LIMD1: variants seen among roughly 807,000 people sequenced by gnomAD.
LIMD1 encodes the protein LIM domain-containing protein 1.
Under a neutral mutation model 58.4 loss-of-function variants are expected in LIMD1, and 23 were observed. That is an observed-to-expected ratio of 0.39 (90% CI 0.28 to 0.56). The LOEUF (loss-of-function observed/expected upper bound fraction) is 0.56, where lower values mean the gene tolerates loss of function less well. Ranked by LOEUF, LIMD1 falls within the 20% of genes least tolerant of loss-of-function variation. The pLI, the probability that LIMD1 is intolerant of heterozygous loss-of-function variation, is 0.57. For missense variants in LIMD1, 838 were observed against 855.5 expected (o/e 0.98, Z 0.25); for synonymous variants, 334 against 345.5 (o/e 0.97, Z 0.37).
intron 1 of LIMD1, among the ~76,000 whole-genome samples, chr3:45,610,079 C>T (rs1701509063): frequency 6.6e-6 from 1 of 152,192 alleles, no homozygotes. Flanking sequence ...GTAATCCCAG[C>T]TACTCGGGAG....
rs1697696845 is a variant in LIMD1, at chr3:45,678,240, G to C, written c.*1181G>C. The C allele has an allele frequency of 6.6e-6, 1 of 152,538 alleles. No homozygotes were observed. The highest frequency in any genetic ancestry group is 1.5e-5 in the Non-Finnish European group (1 of 68,018). 9.4% of individuals were successfully genotyped at this position (152,538 alleles called of 1,614,324 possible). Reference sequence around the variant, plus strand: ...CCACACACAAAAAATACCTCACAGAGCTTCACCAAATCACAGATTCAGGAG... The same window carrying C: ...CCACACACAAAAAATACCTCACAGACCTTCACCAAATCACAGATTCAGGAG... On this transcript the variant is annotated 3_prime_UTR_variant, in exon 8 of 8. Transcript: ENST00000273317.
In LIMD1 at chr3:45,673,434, T is replaced by A. The variant is rs757201833; in HGVS notation, c.1773-20T>A. 5 of 1,611,918 alleles carry A rather than the reference T, an allele frequency of 3.1e-6. No individual in the cohort carries two copies. Among genetic ancestry groups the A allele is most frequent in the Non-Finnish European group, 4.2e-6 (5 of 1,178,118 alleles). On this transcript the variant is annotated intron_variant, in intron 5 of 7. Transcript: ENST00000273317. ...TGCTCCCAGAAGCAACATTTATTGC[T>A]GCTTTGTTTCTCCCCACAGGGTGCT... is the stretch of plus-strand genomic sequence containing the variant.
In LIMD1 at chr3:45,674,431, G is replaced by GC; in HGVS notation, c.1893+25dup. The GC allele has an allele frequency of 1.8e-6, 2 of 1,103,460 alleles. No individual in the cohort carries two copies. The highest frequency in any genetic ancestry group is 2.6e-6 in the Non-Finnish European group (2 of 775,042). 68.4% of individuals were successfully genotyped at this position (1,103,460 alleles called of 1,614,324 possible). ...TGCGAGGTAGACCCCTCCCCACCCA[G>GC]CCCCCAAAGCCCATTGTAGACATCC... On this transcript the variant is annotated intron_variant, in intron 7 of 7. Transcript: ENST00000273317.
At chr3:45,669,704 A>G (rs377360558) in intron 4 of LIMD1, among the ~76,000 whole-genome samples, 3 of 152,206 alleles carry the variant, frequency 2.0e-5, no homozygotes, top group East Asian at 1.9e-4. Context: ...GTCTTATTAC[A>G]TATGTTTTTG....
At chr3:45,669,673 ATATAG>A (rs1383003868) in intron 4 of LIMD1, among the ~76,000 whole-genome samples, 5 of 152,352 alleles carry the variant, frequency 3.3e-5, no homozygotes, top group African/African-American at 1.2e-4. Flanking sequence ...AAATAGAAAC[ATATAG>A]TATAGACTCT....
intron 1 of LIMD1, chr3:45,632,585 A>G (rs966935421): frequency 2.0e-6 from 2 of 977,820 alleles, no homozygotes; most frequent in Non-Finnish European, 2.4e-6. Flanking sequence ...AGGACTGTGC[A>G]GGGAACTATG....
At chr3:45,630,333 G>C (rs1030993006) in intron 1 of LIMD1, among the ~76,000 whole-genome samples, 2 of 152,198 alleles carry the variant, frequency 1.3e-5, no homozygotes, top group Non-Finnish European at 2.9e-5. Flanking sequence ...TGGTGGCAGG[G>C]TCTGGTTTCT....
intron 2 of LIMD1, among the ~76,000 whole-genome samples, chr3:45,639,772 C>T (rs1187209883): frequency 6.6e-6 from 1 of 152,204 alleles, no homozygotes; most frequent in Non-Finnish European, 1.5e-5. Context: ...AAGCGATTCT[C>T]CTGCCTCAGC....
At chr3:45,608,888 C>G (rs13085281) in intron 1 of LIMD1, among the ~76,000 whole-genome samples, 34,500 of 147,974 alleles carry the variant, frequency 0.23, 4,155 homozygotes, top group East Asian at 0.36. Flanking sequence ...AAACCAAACA[C>G]TGAATTAGTG....
chr3:45,596,473 C>T (rs1701353762), intron 1 of LIMD1, among the ~76,000 whole-genome samples, 186 bp downstream of exon 1: 1 of 152,100 alleles, frequency 6.6e-6, no homozygotes, highest in African/African-American at 2.4e-5. Context: ...TGAAAGCATC[C>T]TGGGGCAGAA....
Position 45,633,175 on chromosome 3 carries a change from T to A in LIMD1, c.1409-2975T>A, listed in dbSNP as rs1205426131. Among the ~76,000 whole-genome samples, 4 of 152,298 alleles carry A rather than the reference T, an allele frequency of 2.6e-5. No individual in the cohort carries two copies. The East Asian group carries it at 7.7e-4, about 29-fold the overall frequency. ...GCTTGCAAGGAACAGAAATGCCAGC[T>A]GTCCAGTAATCTCATCCGCCCGCCA... On this transcript the variant is annotated intron_variant, in intron 1 of 7. Coordinates refer to ENST00000273317, the MANE Select transcript of LIMD1 (RefSeq NM_014240.3).
intron 2 of LIMD1, among the ~76,000 whole-genome samples, chr3:45,646,386 A>G (rs1368381192): frequency 6.6e-6 from 1 of 151,924 alleles, no homozygotes. Context: ...ATCCTGGGGG[A>G]TTGTGATGAA....
intron 1 of LIMD1, among the ~76,000 whole-genome samples, chr3:45,597,779 C>T (rs1041871885): frequency 6.6e-6 from 1 of 152,050 alleles, no homozygotes; most frequent in Non-Finnish European, 1.5e-5. Context: ...GCTTATTCTC[C>T]GTGAACGAGC....
chr3:45,615,364 T>A (rs1701566349), intron 1 of LIMD1, among the ~76,000 whole-genome samples: 1 of 152,170 alleles, frequency 6.6e-6, no homozygotes. Context: ...TGTATTTTAT[T>A]TGTATGGATT....
At chr3:45,635,911 T>TAGCA in intron 1 of LIMD1, 1 of 985,188 alleles carries the variant, frequency 1.0e-6, no homozygotes, top group Non-Finnish European at 1.2e-6. Context: ...TTCTGGACAT[T>TAGCA]AGCATAACAG....
chr3:45,638,607 A>G (rs1207652407), intron 2 of LIMD1, among the ~76,000 whole-genome samples: 1 of 152,208 alleles, frequency 6.6e-6, no homozygotes, highest in East Asian at 1.9e-4. Context: ...TGTGGTGATA[A>G]ACATACGAGT....
intron 7 of LIMD1, 25 bp from the exon 8 acceptor site, chr3:45,676,897 C>T: frequency 6.2e-7 from 1 of 1,613,448 alleles, no homozygotes; most frequent in African/African-American, 1.3e-5. Flanking sequence ...TTTTGCTTCC[C>T]CTGGACATGT....
intron 1 of LIMD1, among the ~76,000 whole-genome samples, chr3:45,633,012 G>C (rs758054367): frequency 6.6e-6 from 1 of 152,174 alleles, no homozygotes; most frequent in Non-Finnish European, 1.5e-5. Context: ...AGTTTGCCCG[G>C]AACTGTATTT....
intron 1 of LIMD1, among the ~76,000 whole-genome samples, chr3:45,630,902 T>C (rs1701722198): frequency 6.6e-6 from 1 of 152,132 alleles, no homozygotes; most frequent in Non-Finnish European, 1.5e-5. Context: ...GCTCCTTCAC[T>C]GGTTGAAATC....
Sources: gnomAD v4.1 joint callset for allele counts (sites outside exome capture counted in the v4.1 genomes callset) on GRCh38, gnomAD v4.1.1 for gene constraint, MANE v1.5 for transcripts, NCBI Gene and HGNC (gene_info 2026-07-23, HGNC 2026-07-21) for gene names.